The following ADAD1 variants were observed in gnomAD, a reference collection of about 807,000 sequenced individuals.
The protein encoded by ADAD1 is adenosine deaminase domain-containing protein 1.
A neutral mutation model predicts 66.8 loss-of-function variants in ADAD1; 46 were observed. The ratio of observed to expected loss-of-function variants is 0.69; its 90% CI spans 0.54 to 0.88. The LOEUF is 0.88. Ranked by LOEUF, ADAD1 falls within the 40% of genes least tolerant of loss-of-function variation. The pLI, the probability that ADAD1 is intolerant of heterozygous loss-of-function variation, is 0.00. For synonymous variants in ADAD1, 248 were observed against 229.4 expected (o/e 1.08, Z -0.73); for missense variants, 617 against 681.8 (o/e 0.91, Z 1.06).
At chr4:122,405,123 G>A (rs1392364246) in intron 7 of ADAD1, among the ~76,000 whole-genome samples, 1 of 152,092 alleles carries the variant, frequency 6.6e-6, no homozygotes, top group Non-Finnish European at 1.5e-5. Context: ...GAAGGTTTAC[G>A]GACCTGGTTA....
At chr4:122,392,997 G>T (rs1580751831) in intron 5 of ADAD1, among the ~76,000 whole-genome samples, 1 of 148,810 alleles carries the variant, frequency 6.7e-6, no homozygotes, top group Non-Finnish European at 1.5e-5. Flanking sequence ...ACTTTAATTG[G>T]TACCTTAGCT....
intron 11 of ADAD1, 30 bp from the exon 12 acceptor site, chr4:122,421,231 A>G: frequency 1.3e-6 from 2 of 1,495,416 alleles, no homozygotes; most frequent in Non-Finnish European, 1.8e-6. Flanking sequence ...TGAAAAAGAA[A>G]TTTAAAAAAT....
chr4:122,415,718 C>A, intron 11 of ADAD1, 102 bp downstream of exon 11: 1 of 982,100 alleles, frequency 1.0e-6, no homozygotes, highest in Admixed American at 2.4e-5. Flanking sequence ...TTATTGAACT[C>A]TGAACAATAA....
At chr4:122,411,518 A>G (rs765289119) in intron 9 of ADAD1, 126 bp downstream of exon 9, 3 of 964,972 alleles carry the variant, frequency 3.1e-6, no homozygotes, top group Non-Finnish European at 4.5e-6. Context: ...TTGAGTTGTT[A>G]TTTGTGGCCT....
At chr4:122,400,255 T>C (rs926812403) in intron 7 of ADAD1, among the ~76,000 whole-genome samples, 1 of 152,180 alleles carries the variant, frequency 6.6e-6, no homozygotes, top group Non-Finnish European at 1.5e-5. Context: ...CTTTATCTAT[T>C]GAGATGATCA....
At chr4:122,420,647 A>G (rs1305618009) in intron 11 of ADAD1, among the ~76,000 whole-genome samples, 4 of 152,230 alleles carry the variant, frequency 2.6e-5, no homozygotes, top group Non-Finnish European at 4.4e-5. Flanking sequence ...TTTGTTATCT[A>G]TCCTAAGAAC....
intron 7 of ADAD1, among the ~76,000 whole-genome samples, chr4:122,400,698 CAG>C (rs1250945917): frequency 6.6e-6 from 1 of 152,034 alleles, no homozygotes; most frequent in Non-Finnish European, 1.5e-5. Flanking sequence ...TTGGTTTGTT[CAG>C]AGTTTTATTT....
chr4:122,380,051 G>A lies in ADAD1; in HGVS notation c.-8-11G>A, dbSNP rs751518290. The A allele has an allele frequency of 3.1e-6, 5 of 1,592,410 alleles. No homozygotes were observed. Among genetic ancestry groups the A allele is most frequent in the Middle Eastern group, 1.7e-4 (1 of 5,922 alleles). On this transcript the variant is annotated splice_polypyrimidine_tract_variant and intron_variant, in intron 2 of 12. Coordinates refer to ENST00000296513, the MANE Select transcript of ADAD1 (RefSeq NM_139243.4). ...TGTCTTGTTTTCTGCCAATTTTATC[G>A]TGACCTCTAGGTGAGAAAATGGCTA...
chr4:122,421,928 GAA>G (rs1016486924), intron 12 of ADAD1, among the ~76,000 whole-genome samples: 3 of 151,756 alleles, frequency 2.0e-5, no homozygotes, highest in Non-Finnish European at 4.4e-5. Flanking sequence ...TAAAAATACA[GAA>G]AAAATATTAT....
intron 11 of ADAD1, among the ~76,000 whole-genome samples, chr4:122,419,251 C>T (rs905949638): frequency 3.9e-5 from 6 of 152,206 alleles, no homozygotes; most frequent in Middle Eastern, 3.4e-3. Context: ...AGCTGGAGGC[C>T]GCTATCGTTA....
chr4:122,392,310 C>A (rs537926331), intron 5 of ADAD1, among the ~76,000 whole-genome samples: 3 of 152,244 alleles, frequency 2.0e-5, no homozygotes, highest in African/African-American at 7.2e-5. Flanking sequence ...AGGTGCCCAT[C>A]AGTGGTAGAT....
chr4:122,421,127 TAA>T, intron 11 of ADAD1, 132 bp from the exon 12 acceptor site: 7 of 532,308 alleles, frequency 1.3e-5, no homozygotes, highest in African/African-American at 4.0e-5. Context: ...GCCTCTTATG[TAA>T]AAAAAAAATT....
At position 122,383,682 on chromosome 4, in the gene ADAD1, G is replaced by A. The variant is rs1282474133; in HGVS notation, c.362-117G>A. 4 of 1,135,870 alleles carry A rather than the reference G, an allele frequency of 3.5e-6. No homozygotes were observed. In the Admixed American group the frequency reaches 7.6e-5, roughly 22 times the overall value. 70.4% of individuals were successfully genotyped at this position (1,135,870 alleles called of 1,614,324 possible). On this transcript the variant is annotated intron_variant, in intron 4 of 12. Transcript: ENST00000296513. The stretch of plus-strand genomic sequence containing the variant: ...TCCTACAAAAGGACTTGTAAAGTTG[G>A]TGTTTATGAGGTAGTTTTTGAGAAT...
rs781691660 is a variant in ADAD1 at position 122,381,063 on chromosome 4, A to T, written c.244A>T (p.Ile82Leu). 6.2e-7 allele frequency: 1 copy of T among 1,603,154 alleles called. No individual in the cohort carries two copies. Residue 82 changes from isoleucine (I) to leucine (L), a missense_variant, in exon 4 of 13, where the codon ATA (isoleucine) becomes TTA (leucine). Transcript: ENST00000296513. Reference sequence around the variant, plus strand: ...AAATCCTGTCCTTCCTCCAAAAAAAATACCTAAGGAATTTATAATGAAATA... The same window carrying T: ...AAATCCTGTCCTTCCTCCAAAAAAATTACCTAAGGAATTTATAATGAAATA... ...ISNPVLPPKK[I>L]PKEFIMKYKR...
chr4:122,416,854 G>C (rs1796760585), intron 11 of ADAD1, among the ~76,000 whole-genome samples: 1 of 152,070 alleles, frequency 6.6e-6, no homozygotes. Flanking sequence ...AATGACTTAG[G>C]CCAGCATAAA....
chr4:122,405,944 T>TTA (rs1796189940), intron 7 of ADAD1, among the ~76,000 whole-genome samples: 1 of 152,116 alleles, frequency 6.6e-6, no homozygotes. Context: ...AAATATTCCA[T>TTA]TATATATATG....
intron 5 of ADAD1, among the ~76,000 whole-genome samples, chr4:122,391,591 C>T (rs142966938): frequency 1.2e-4 from 19 of 152,326 alleles, no homozygotes; most frequent in South Asian, 6.2e-4. Flanking sequence ...AGGGAAGCCC[C>T]GCCCAATGAG....
intron 7 of ADAD1, 81 bp downstream of exon 7, chr4:122,396,458 A>G (rs963265150): frequency 3.1e-5 from 38 of 1,210,276 alleles, no homozygotes; most frequent in South Asian, 3.7e-5. Context: ...GCCCCTGTAC[A>G]CAATGGTGTT....
At chr4:122,416,443 CT>C (rs138356342) in intron 11 of ADAD1, among the ~76,000 whole-genome samples, 1,843 of 152,278 alleles carry the variant, frequency 0.012, 34 homozygotes, top group African/African-American at 0.041. Flanking sequence ...ACAAATGTTT[CT>C]TAGCAGTCAA....
Sources: gnomAD v4.1 joint callset for allele counts (sites outside exome capture counted in the v4.1 genomes callset) on GRCh38, gnomAD v4.1.1 for gene constraint, MANE v1.5 for transcripts, NCBI Gene and HGNC (gene_info 2026-07-23, HGNC 2026-07-21) for gene names.